The following USH2A variants were observed in gnomAD, a reference collection of about 807,000 sequenced individuals.
USH2A encodes usherin.
Under a neutral mutation model 538.9 loss-of-function variants are expected in USH2A, and 443 were observed. The observed-to-expected ratio is 0.82, with a 90% CI of 0.76 to 0.89. USH2A has a LOEUF of 0.89. Ranked by LOEUF, USH2A falls within the 40% of genes least tolerant of loss-of-function variation. The pLI is 0.00. For synonymous variants in USH2A, 2,413 were observed against 2,273.5 expected (o/e 1.06, Z -1.75); for missense variants, 6,633 against 6,324.8 (o/e 1.05, Z -1.65).
At chr1:215,673,345 T>A (rs186464279) in intron 63 of USH2A, among the ~76,000 whole-genome samples, 4 of 152,350 alleles carry the variant, frequency 2.6e-5, no homozygotes, top group Admixed American at 2.6e-4. Flanking sequence ...GCCTTTAATT[T>A]TTTTAAGTGA....
chr1:216,253,629 T>C (rs2036206165), intron 11 of USH2A, among the ~76,000 whole-genome samples: 1 of 152,248 alleles, frequency 6.6e-6, no homozygotes, highest in Non-Finnish European at 1.5e-5. Context: ...GTAGTCGCCC[T>C]GACCCTACAC....
At chr1:215,858,296 G>A (rs907525239) in intron 44 of USH2A, among the ~76,000 whole-genome samples, 2 of 151,732 alleles carry the variant, frequency 1.3e-5, no homozygotes, top group African/African-American at 2.4e-5. Flanking sequence ...ATATGGTTAG[G>A]TCCCATGTCC....
intron 61 of USH2A, among the ~76,000 whole-genome samples, chr1:215,712,977 G>T (rs368924528): frequency 2.6e-5 from 4 of 151,864 alleles, no homozygotes; most frequent in East Asian, 2.0e-4. Flanking sequence ...CGGCTAATTT[G>T]TGTATTTTTA....
At chr1:215,743,926 A>C (rs1660391657) in intron 58 of USH2A, among the ~76,000 whole-genome samples, 1 of 152,202 alleles carries the variant, frequency 6.6e-6, no homozygotes, top group Non-Finnish European at 1.5e-5. Context: ...GTATTCCAAA[A>C]GTAAGAAATG....
intron 37 of USH2A, among the ~76,000 whole-genome samples, chr1:215,961,998 G>C (rs911824335): frequency 1.3e-5 from 2 of 151,732 alleles, no homozygotes; most frequent in African/African-American, 4.8e-5. Context: ...GTAAAAATGT[G>C]GGCAAAAGAT....
In USH2A at chr1:215,731,338, A is replaced by G. The variant is rs141911019; in HGVS notation, c.11712-2954T>C. 7.6e-3 allele frequency among the ~76,000 whole-genome samples: 1,151 copies of G among 152,354 alleles called. 22 individuals are homozygous for G. Among genetic ancestry groups the G allele is most frequent in the African/African-American group, 0.026 (1,081 of 41,590 alleles). On this transcript the variant is annotated intron_variant, in intron 60 of 71. Coordinates refer to ENST00000307340, the MANE Select transcript of USH2A (RefSeq NM_206933.4). ...TACATGTCCCATCTGCACTGCTAAA[A>G]AACAGAGTCTCTCTTTATGTCTGAA... is the stretch of plus-strand genomic sequence containing the variant.
chr1:215,649,454 A>T (rs567960390), intron 65 of USH2A, among the ~76,000 whole-genome samples: 2 of 152,360 alleles, frequency 1.3e-5, no homozygotes, highest in East Asian at 3.9e-4. Context: ...TGACATAAAG[A>T]ACATATGATT....
chr1:216,305,356 C>T lies in USH2A; in HGVS notation c.1645-12986G>A, dbSNP rs532167563. On this transcript the variant is annotated intron_variant, in intron 9 of 71. Coordinates refer to ENST00000307340, the MANE Select transcript of USH2A (RefSeq NM_206933.4). ...GCTGTTTGCTTTTGGTGTCCATTTT[C>T]GTGGAATATCTTTTTCCACCTCTTT... Among the ~76,000 whole-genome samples, 6 of 152,132 alleles carry T rather than the reference C, an allele frequency of 3.9e-5. No homozygotes were observed. In the South Asian group the frequency reaches 6.2e-4, roughly 16 times the overall value.
chr1:216,223,711 A>G (rs2035505339), intron 14 of USH2A, among the ~76,000 whole-genome samples: 2 of 152,116 alleles, frequency 1.3e-5, no homozygotes, highest in South Asian at 4.1e-4. Context: ...TCTGACAAAG[A>G]GTCACTGAGG....
At chr1:215,892,135 G>A (rs1297903298) in intron 40 of USH2A, among the ~76,000 whole-genome samples, 1 of 152,110 alleles carries the variant, frequency 6.6e-6, no homozygotes, top group South Asian at 2.1e-4. Context: ...ATTGGAAAGG[G>A]TGTGTGCGCA....
intron 32 of USH2A, among the ~76,000 whole-genome samples, chr1:216,035,479 C>T (rs12125142): frequency 0.11 from 16,092 of 152,112 alleles, 1,165 homozygotes; most frequent in Non-Finnish European, 0.16. Context: ...ACCAGTCTTG[C>T]CAATATCTTG....
chr1:215,777,473 G>A (rs990619057), intron 55 of USH2A, among the ~76,000 whole-genome samples: 1 of 152,198 alleles, frequency 6.6e-6, no homozygotes, highest in African/African-American at 2.4e-5. Context: ...AATTTCTTTA[G>A]CCTTATATCA....
intron 61 of USH2A, among the ~76,000 whole-genome samples, chr1:215,711,168 T>G (rs1281009221): frequency 8.5e-5 from 13 of 152,332 alleles, no homozygotes; most frequent in South Asian, 4.1e-4. Flanking sequence ...TTCATATATT[T>G]CAACTGAATT....
At chr1:215,691,487 G>A (rs986962623) in intron 61 of USH2A, among the ~76,000 whole-genome samples, 17 of 152,080 alleles carry the variant, frequency 1.1e-4, no homozygotes, top group Admixed American at 4.6e-4. Context: ...CCCACTTTAT[G>A]CATAGGTTTG....
intron 38 of USH2A, among the ~76,000 whole-genome samples, chr1:215,908,355 A>G (rs1463389596): frequency 6.6e-6 from 1 of 151,982 alleles, no homozygotes; most frequent in Non-Finnish European, 1.5e-5. Context: ...CAGAGCACTT[A>G]ACAAATTTTG....
At chr1:215,704,026 G>A (rs887918952) in intron 61 of USH2A, among the ~76,000 whole-genome samples, 4 of 152,164 alleles carry the variant, frequency 2.6e-5, no homozygotes, top group East Asian at 3.9e-4. Flanking sequence ...TAGCACAGTC[G>A]TTCATGGCAC....
chr1:215,859,461 G>A (rs1664259223), intron 44 of USH2A, among the ~76,000 whole-genome samples: 1 of 150,780 alleles, frequency 6.6e-6, no homozygotes, highest in South Asian at 2.1e-4. Context: ...TTGAACACAG[G>A]AGGTGGAGGT....
At chr1:215,808,533 G>C (rs1662567614) in intron 49 of USH2A, among the ~76,000 whole-genome samples, 1 of 152,054 alleles carries the variant, frequency 6.6e-6, no homozygotes, top group Non-Finnish European at 1.5e-5. Context: ...GGATACAAAA[G>C]AGTTTCATCA....
chr1:216,004,642 A>G (rs568922233), intron 32 of USH2A, among the ~76,000 whole-genome samples: 27 of 152,332 alleles, frequency 1.8e-4, no homozygotes, highest in Admixed American at 1.1e-3. Context: ...AAAGGAGAAC[A>G]GATAAATGTA....
Sources: allele counts gnomAD v4.1 joint callset (sites outside exome capture counted in the v4.1 genomes callset), GRCh38; gene constraint gnomAD v4.1.1; transcripts MANE v1.5; gene names NCBI Gene and HGNC (gene_info 2026-07-23, HGNC 2026-07-21).